The following MAF variants were observed in gnomAD, a reference collection of about 807,000 sequenced individuals.
The protein encoded by MAF is transcription factor Maf.
A neutral mutation model predicts 22.0 loss-of-function variants in MAF; 10 were observed. The ratio of observed to expected loss-of-function variants is 0.45; its 90% CI spans 0.28 to 0.77. The LOEUF is 0.77. Ranked by LOEUF, MAF falls within the 30% of genes least tolerant of loss-of-function variation. MAF has a pLI of 0.12. For synonymous variants in MAF, 337 were observed against 255.8 expected, an observed-to-expected ratio of 1.32 and a Z score of -3.03; for missense variants, 544 against 548.4, an observed-to-expected ratio of 0.99 and a Z score of 0.08.
chr16:79,449,092 C>G, the MAF span, among the ~76,000 whole-genome samples: 32 of 152,176 alleles, frequency 2.1e-4, no homozygotes, highest in Non-Finnish European at 8.8e-5. Context: ...ATTAGATCCT[C>G]ATAAGGAGCA....
the MAF span, among the ~76,000 whole-genome samples, chr16:79,541,668 T>A: frequency 6.7e-6 from 1 of 148,170 alleles, no homozygotes. Flanking sequence ...TTTAGTTTTT[T>A]TTTTTTTTTT....
At chr16:79,447,006 T>A in the MAF span, among the ~76,000 whole-genome samples, 3 of 152,140 alleles carry the variant, frequency 2.0e-5, no homozygotes, top group South Asian at 6.2e-4. Context: ...GTAATATAGA[T>A]AAATGTTCAA....
At chr16:79,282,867 G>C in the MAF span, among the ~76,000 whole-genome samples, 1 of 152,190 alleles carries the variant, frequency 6.6e-6, no homozygotes, top group African/African-American at 2.4e-5. Context: ...TGGGCTGTCA[G>C]CTAAACCCAT....
At chr16:79,304,295 T>G in the MAF span, among the ~76,000 whole-genome samples, 55 of 152,186 alleles carry the variant, frequency 3.6e-4, no homozygotes, top group South Asian at 0.011. Context: ...GCCCCTCCAG[T>G]GAGAAATGCT....
chr16:79,376,938 G>A, the MAF span, among the ~76,000 whole-genome samples: 10 of 152,188 alleles, frequency 6.6e-5, no homozygotes, highest in African/African-American at 2.4e-4. Flanking sequence ...GGACATTTGG[G>A]TTGGTTCCAA....
At chr16:79,437,871 G>A in the MAF span, among the ~76,000 whole-genome samples, 2 of 152,042 alleles carry the variant, frequency 1.3e-5, no homozygotes, top group African/African-American at 2.4e-5. Flanking sequence ...GACGTGGGCC[G>A]CATTCCCCTT....
chr16:79,496,230 A>T, the MAF span, among the ~76,000 whole-genome samples: 1 of 152,240 alleles, frequency 6.6e-6, no homozygotes, highest in South Asian at 2.1e-4. Flanking sequence ...TTTAAAAAAA[A>T]TAGAGCAAAG....
the MAF span, among the ~76,000 whole-genome samples, chr16:79,272,395 C>T: frequency 5.3e-5 from 8 of 152,170 alleles, no homozygotes; most frequent in Non-Finnish European, 1.0e-4. Flanking sequence ...TGGGGCGGGT[C>T]GCCTGCTCCT....
At chr16:79,415,057 G>T in the MAF span, among the ~76,000 whole-genome samples, 10 of 152,274 alleles carry the variant, frequency 6.6e-5, no homozygotes, top group African/African-American at 2.4e-4. Context: ...CTATTCCCAT[G>T]CCCAGGCTTA....
the MAF span, among the ~76,000 whole-genome samples, chr16:79,372,769 G>A: frequency 6.6e-6 from 1 of 152,116 alleles, no homozygotes; most frequent in Non-Finnish European, 1.5e-5. Flanking sequence ...AGCCTGTCTG[G>A]TTCAGCTCCA....
chr16:79,443,733 T>G, the MAF span, among the ~76,000 whole-genome samples: 1 of 152,346 alleles, frequency 6.6e-6, no homozygotes, highest in African/African-American at 2.4e-5. Flanking sequence ...ACAAGTGACT[T>G]ATGTCTGCCT....
At chr16:79,261,822 G>C in the MAF span, among the ~76,000 whole-genome samples, 1 of 152,148 alleles carries the variant, frequency 6.6e-6, no homozygotes, top group Admixed American at 6.5e-5. Context: ...AATCACCTTT[G>C]GCCCTGAGTC....
the MAF span, among the ~76,000 whole-genome samples, chr16:79,334,028 T>C: frequency 2.6e-5 from 4 of 152,242 alleles, no homozygotes; most frequent in African/African-American, 7.2e-5. Context: ...CTGAATGACT[T>C]ATTCCTAATT....
At chr16:79,217,588 A>G in the MAF span, among the ~76,000 whole-genome samples, 6 of 152,164 alleles carry the variant, frequency 3.9e-5, no homozygotes, top group East Asian at 1.9e-4. Context: ...CATGGACTCA[A>G]CATCCCGAGT....
At chr16:79,475,217 C>G in the MAF span, among the ~76,000 whole-genome samples, 1 of 152,132 alleles carries the variant, frequency 6.6e-6, no homozygotes, top group Non-Finnish European at 1.5e-5. Context: ...GTTGCTAACA[C>G]TCTGCCAGGT....
chr16:79,210,676 G>A, the MAF span, among the ~76,000 whole-genome samples: 1 of 152,184 alleles, frequency 6.6e-6, no homozygotes, highest in African/African-American at 2.4e-5. Flanking sequence ...GAGACGTGCC[G>A]ACCATGTCTC....
chr16:79,234,607 G>A, the MAF span, among the ~76,000 whole-genome samples: 4 of 152,098 alleles, frequency 2.6e-5, no homozygotes, highest in African/African-American at 9.7e-5. Context: ...CCCAAAGAAA[G>A]AGCAACATGT....
the MAF span, among the ~76,000 whole-genome samples, chr16:79,421,300 A>G: frequency 6.6e-6 from 1 of 152,202 alleles, no homozygotes; most frequent in Admixed American, 6.5e-5. Context: ...CAAATGTATA[A>G]TGACACGTAT....
chr16:79,398,059 A>G, the MAF span, among the ~76,000 whole-genome samples: 1 of 152,302 alleles, frequency 6.6e-6, no homozygotes, highest in East Asian at 1.9e-4. Context: ...TCAGGTTCGC[A>G]TTCCTTCTGG....
Sources: allele counts gnomAD v4.1 joint callset (sites outside exome capture counted in the v4.1 genomes callset), GRCh38; gene constraint gnomAD v4.1.1; transcripts MANE v1.5; gene names NCBI Gene and HGNC (gene_info 2026-07-23, HGNC 2026-07-21).